The following STARD13 variants were observed in gnomAD, a reference collection of about 807,000 sequenced individuals.
STARD13 encodes stAR-related lipid transfer protein 13.
A neutral mutation model predicts 106.4 loss-of-function variants in STARD13; 62 were observed. The ratio of observed to expected loss-of-function variants is 0.58; its 90% CI spans 0.48 to 0.72. The LOEUF (loss-of-function observed/expected upper bound fraction) is 0.72. Among genes scored for constraint, STARD13 ranks in the 30% least tolerant of loss-of-function variants. The pLI, the probability that STARD13 is intolerant of heterozygous loss-of-function variation, is 0.00. For synonymous variants in STARD13, 565 were observed against 553.0 expected (o/e 1.02, Z -0.31); for missense variants, 1,387 against 1,424.0 (o/e 0.97, Z 0.42).
At chr13:33,138,534 A>G (rs1233193534) in intron 4 of STARD13, 1 of 157,836 alleles carries the variant, frequency 6.3e-6, no homozygotes, top group Non-Finnish European at 1.4e-5. Context: ...GAATTTGGCC[A>G]TATCTTTACA....
downstream of STARD13, among the ~76,000 whole-genome samples, chr13:33,346,310 A>T (rs9563353): frequency 6.6e-6 from 1 of 152,162 alleles, no homozygotes; most frequent in East Asian, 1.9e-4. Context: ...ACCCAGCTAA[A>T]CTCCCCAGGC....
At chr13:33,464,501 A>C in the STARD13 span, among the ~76,000 whole-genome samples, 17 of 152,124 alleles carry the variant, frequency 1.1e-4, no homozygotes, top group African/African-American at 3.6e-4. Flanking sequence ...GGAGCCCTGC[A>C]CTGATCCTAT....
intron 1 of STARD13, among the ~76,000 whole-genome samples, chr13:33,274,928 C>T (rs569834082): frequency 8.5e-4 from 129 of 152,216 alleles, no homozygotes; most frequent in Admixed American, 1.6e-3. Flanking sequence ...TAATGTGAGG[C>T]ACAGCCCTTT....
In STARD13 at chr13:33,285,557, A is replaced by G; in HGVS notation, c.82T>C (p.Leu28=). 4 of 1,614,012 alleles carry G rather than the reference A, an allele frequency of 2.5e-6. No homozygotes were observed. Among genetic ancestry groups the G allele is most frequent in the Non-Finnish European group, 3.4e-6 (4 of 1,179,924 alleles). The change falls in exon 1 of 14, where the codon TTG becomes CTG. Residue 28 remains leucine (L), a synonymous_variant. Transcript: ENST00000336934. ...CGTCTTGTAGTCTGATCAAATCGCA[A>G]GTACATCTCCTGGCCCTCAGGTGTC... The part of the protein sequence containing the change: ...SMTPEGQEMY[L]RFDQTTRRSP...
At chr13:33,200,278 C>G (rs1886923197) in intron 1 of STARD13, among the ~76,000 whole-genome samples, 1 of 152,214 alleles carries the variant, frequency 6.6e-6, no homozygotes, top group African/African-American at 2.4e-5. Flanking sequence ...TCACATCTAG[C>G]TCCCCTAACC....
chr13:33,521,868 A>G, the STARD13 span, among the ~76,000 whole-genome samples: 1 of 152,184 alleles, frequency 6.6e-6, no homozygotes, highest in East Asian at 1.9e-4. Flanking sequence ...AAGATGAAAA[A>G]AAATACTATT....
the STARD13 span, among the ~76,000 whole-genome samples, chr13:33,571,986 T>G: frequency 1.3e-5 from 2 of 152,122 alleles, no homozygotes; most frequent in African/African-American, 4.8e-5. Context: ...GTTAGCAGTG[T>G]GTGGGAAACA....
the STARD13 span, among the ~76,000 whole-genome samples, chr13:33,362,842 C>A: frequency 6.6e-6 from 1 of 152,220 alleles, no homozygotes; most frequent in Admixed American, 6.5e-5. Context: ...TCCATAAGAG[C>A]AAGGACCTTG....
chr13:33,410,629 G>C, the STARD13 span, among the ~76,000 whole-genome samples: 2 of 152,162 alleles, frequency 1.3e-5, no homozygotes, highest in African/African-American at 4.8e-5. Flanking sequence ...CCACTTGTGA[G>C]GGATGGTTAA....
the STARD13 span, among the ~76,000 whole-genome samples, chr13:33,565,319 A>T: frequency 2.0e-5 from 3 of 147,588 alleles, no homozygotes; most frequent in Non-Finnish European, 4.5e-5. Flanking sequence ...GTACATTTCT[A>T]AAGAGCTAGG....
At chr13:33,121,215 G>A (rs1019168457) in intron 7 of STARD13, among the ~76,000 whole-genome samples, 2 of 152,154 alleles carry the variant, frequency 1.3e-5, no homozygotes, top group South Asian at 2.1e-4. Context: ...TTCCCCTCTC[G>A]ATCCTCATAG....
the STARD13 span, among the ~76,000 whole-genome samples, chr13:33,443,502 A>G: frequency 2.6e-5 from 4 of 151,858 alleles, no homozygotes; most frequent in African/African-American, 4.8e-5. Flanking sequence ...GCAACCCCGT[A>G]TATTGAACCT....
the STARD13 span, among the ~76,000 whole-genome samples, chr13:33,490,967 G>A: frequency 3.3e-5 from 5 of 152,184 alleles, no homozygotes; most frequent in African/African-American, 1.2e-4. Context: ...TCTCACAAGG[G>A]GTCTGAGCAG....
Position 33,118,207 on chromosome 13 carries a change from C to T in STARD13, c.2139G>A (p.Met713Ile), listed in dbSNP as rs1048992106. ...TGACGTTCTCAGGGAAGTTTTCATT[C>T]ATTTGGCGAAGGGCATGGATTCGAG... ...VKSRIHALRQ[M>I]NENFPENVNY... The change falls in exon 8 of 14, where the codon ATG (methionine) becomes ATA (isoleucine). Residue 713 changes from methionine (M) to isoleucine (I), a missense_variant. Coordinates refer to ENST00000336934, the MANE Select transcript of STARD13 (RefSeq NM_178006.4). The T allele has an allele frequency of 2.4e-5, 38 of 1,614,204 alleles. No individual in the cohort carries two copies. Among genetic ancestry groups the T allele is most frequent in the Non-Finnish European group, 3.2e-5 (38 of 1,180,044 alleles).
At chr13:33,404,352 A>G in the STARD13 span, among the ~76,000 whole-genome samples, 1 of 152,356 alleles carries the variant, frequency 6.6e-6, no homozygotes. Flanking sequence ...TTTCCCACAA[A>G]CAAGAAAAAG....
intron 1 of STARD13, among the ~76,000 whole-genome samples, chr13:33,250,994 T>C (rs1454641784): frequency 6.6e-6 from 1 of 151,782 alleles, no homozygotes; most frequent in Non-Finnish European, 1.5e-5. Context: ...GAAATGGGAA[T>C]AGGATAAGGA....
chr13:33,321,182 T>G (rs542522557), intron 1 of STARD13, among the ~76,000 whole-genome samples: 34 of 152,268 alleles, frequency 2.2e-4, no homozygotes, highest in African/African-American at 7.7e-4. Context: ...CTAGTAAACC[T>G]GATTTCTGTA....
At chr13:33,632,032 T>C in the STARD13 span, among the ~76,000 whole-genome samples, 7 of 152,224 alleles carry the variant, frequency 4.6e-5, no homozygotes, top group African/African-American at 1.7e-4. Flanking sequence ...AGCCAGTTTT[T>C]GCCATTTAAT....
intron 1 of STARD13, among the ~76,000 whole-genome samples, chr13:33,324,290 T>C (rs1893662706): frequency 6.6e-6 from 1 of 152,192 alleles, no homozygotes; most frequent in Non-Finnish European, 1.5e-5. Context: ...CAGACTCTCA[T>C]CAAAATCCAT....
Sources: gnomAD v4.1 joint callset for allele counts (sites outside exome capture counted in the v4.1 genomes callset) on GRCh38, gnomAD v4.1.1 for gene constraint, MANE v1.5 for transcripts, NCBI Gene and HGNC (gene_info 2026-07-23, HGNC 2026-07-21) for gene names.